UNC93A: variants seen among roughly 807,000 people sequenced by gnomAD.
UNC93A encodes the protein unc-93 homolog A.
Under a neutral mutation model 47.5 loss-of-function variants are expected in UNC93A, and 43 were observed. That is an observed-to-expected ratio of 0.91 (90% CI 0.71 to 1.17). The LOEUF (loss-of-function observed/expected upper bound fraction) is 1.17, where lower values mean the gene tolerates loss of function less well. Ranked by LOEUF, UNC93A falls within the 50% of genes most tolerant of loss-of-function variation. The pLI is 0.00. For synonymous variants in UNC93A, 280 were observed against 258.0 expected, an observed-to-expected ratio of 1.09 and a Z score of -0.82; for missense variants, 605 against 577.6, an observed-to-expected ratio of 1.05 and a Z score of -0.49.
At chr6:167,298,413 G>T in intron 4 of UNC93A, 1 of 168,208 alleles carries the variant, frequency 5.9e-6, no homozygotes, top group South Asian at 1.8e-4. Flanking sequence ...CAGTACGGGG[G>T]CTGGCGGCTA....
chr6:167,294,239 C>T (rs2076006), intron 1 of UNC93A, among the ~76,000 whole-genome samples: 37,290 of 152,104 alleles, frequency 0.25, 5,000 homozygotes, highest in East Asian at 0.37. Context: ...TCCACAGAGG[C>T]GTGAGCGGCT....
intron 1 of UNC93A, among the ~76,000 whole-genome samples, chr6:167,293,856 C>T (rs1273656560): frequency 6.6e-6 from 1 of 152,178 alleles, no homozygotes; most frequent in Non-Finnish European, 1.5e-5. Flanking sequence ...TGGAGGTCAC[C>T]TCCTTCTCCC....
chr6:167,314,432 C>A (rs1778636083), intron 7 of UNC93A, among the ~76,000 whole-genome samples: 1 of 152,130 alleles, frequency 6.6e-6, no homozygotes, highest in Non-Finnish European at 1.5e-5. Context: ...TGTCCCTGCT[C>A]CTGTCCCTGC....
intron 1 of UNC93A, among the ~76,000 whole-genome samples, chr6:167,272,343 G>A (rs937190929): frequency 1.3e-5 from 2 of 152,222 alleles, no homozygotes; most frequent in Admixed American, 6.5e-5. Flanking sequence ...TCCCAGTGAC[G>A]TTTAGAGCAC....
chr6:167,304,556 G>GTT (rs67933171), intron 5 of UNC93A, among the ~76,000 whole-genome samples: 94 of 150,062 alleles, frequency 6.3e-4, no homozygotes, highest in Middle Eastern at 3.4e-3. Flanking sequence ...TATCTCTCTA[G>GTT]TTTTTTTTTT....
chr6:167,300,129 G>A (rs1469656458), intron 4 of UNC93A, among the ~76,000 whole-genome samples: 7 of 152,308 alleles, frequency 4.6e-5, no homozygotes, highest in Non-Finnish European at 8.8e-5. Flanking sequence ...GCTTGAGGAC[G>A]CAGTGGGACT....
In UNC93A at chr6:167,307,772, C is replaced by T. The variant is rs771585049; in HGVS notation, c.977-7C>T. On this transcript the variant is annotated splice_polypyrimidine_tract_variant and splice_region_variant and intron_variant, in intron 6 of 7. Transcript: ENST00000230256. Reference sequence around the variant, plus strand: ...ATCGCCTGGCGGTTTCCCCTCTGCACCCCCAGGCGCGGTGACCCACGTGTC... The same window carrying T: ...ATCGCCTGGCGGTTTCCCCTCTGCATCCCCAGGCGCGGTGACCCACGTGTC... The T allele has an allele frequency of 4.7e-5, 75 of 1,590,972 alleles. No homozygotes were observed. The South Asian group carries it at 8.0e-4, about 17-fold the overall frequency.
chr6:167,290,234 G>C (rs562087802), upstream of UNC93A, among the ~76,000 whole-genome samples: 1 of 152,282 alleles, frequency 6.6e-6, no homozygotes, highest in Non-Finnish European at 1.5e-5. Flanking sequence ...GTCTATGTAA[G>C]CATGATAGTC....
chr6:167,269,676 G>A (rs1320930951), upstream of UNC93A, among the ~76,000 whole-genome samples: 8 of 151,974 alleles, frequency 5.3e-5, no homozygotes, highest in African/African-American at 1.7e-4. Context: ...GCACAATCTC[G>A]GCTCACTGCC....
At chr6:167,313,780 T>A (rs1778619644) in intron 7 of UNC93A, among the ~76,000 whole-genome samples, 1 of 152,214 alleles carries the variant, frequency 6.6e-6, no homozygotes, top group Admixed American at 6.5e-5. Flanking sequence ...CAACTTGGAT[T>A]TTCTTCCCTA....
chr6:167,279,994 A>G (rs1051990244), intron 1 of UNC93A, among the ~76,000 whole-genome samples: 1 of 152,230 alleles, frequency 6.6e-6, no homozygotes, highest in Non-Finnish European at 1.5e-5. Flanking sequence ...ATTGTGTAAT[A>G]AGCGATGTTC....
chr6:167,278,570 T>C (rs55873000), intron 1 of UNC93A, among the ~76,000 whole-genome samples: 4,960 of 152,264 alleles, frequency 0.033, 278 homozygotes, highest in African/African-American at 0.11. Context: ...TGTTCCAGGG[T>C]TATCTGACAA....
chr6:167,305,839 C>A, intron 5 of UNC93A, 76 bp from the exon 6 acceptor site: 4 of 1,600,054 alleles, frequency 2.5e-6, no homozygotes, highest in Non-Finnish European at 3.4e-6. Flanking sequence ...ATGTTCTAAG[C>A]ACCCGACTGC....
At chr6:167,280,950 G>A (rs73259186) in intron 1 of UNC93A, among the ~76,000 whole-genome samples, 2,916 of 152,220 alleles carry the variant, frequency 0.019, 105 homozygotes, top group African/African-American at 0.067. Context: ...ATCTTCAACA[G>A]GAAACCCAAG....
chr6:167,285,369 A>G (rs1310240140), intron 1 of UNC93A, among the ~76,000 whole-genome samples: 2 of 151,858 alleles, frequency 1.3e-5, no homozygotes, highest in African/African-American at 4.8e-5. Context: ...CCAGGGCCCA[A>G]TCCCACTGTG....
upstream of UNC93A, among the ~76,000 whole-genome samples, chr6:167,290,344 T>C (rs114402823): frequency 3.6e-3 from 547 of 152,296 alleles, 6 homozygotes; most frequent in African/African-American, 0.013. Context: ...TCATTGGCCC[T>C]GATCTTCTGA....
upstream of UNC93A, among the ~76,000 whole-genome samples, chr6:167,288,310 C>T (rs3010557): frequency 0.38 from 58,330 of 151,686 alleles, 11,511 homozygotes; most frequent in African/African-American, 0.47. Context: ...CGAATGCCCG[C>T]TCAGCTCAGG....
intron 5 of UNC93A, among the ~76,000 whole-genome samples, chr6:167,304,483 A>G (rs756826670): frequency 2.6e-5 from 4 of 151,710 alleles, no homozygotes; most frequent in Non-Finnish European, 5.9e-5. Context: ...CTCACCCTGC[A>G]CTCTTACTTT....
At chr6:167,310,170 C>A (rs973625517) in intron 7 of UNC93A, among the ~76,000 whole-genome samples, 2 of 152,208 alleles carry the variant, frequency 1.3e-5, no homozygotes, top group Non-Finnish European at 2.9e-5. Context: ...CACTGAGCTC[C>A]CCAAATGCAC....
Sources: gnomAD v4.1 joint callset for allele counts (sites outside exome capture counted in the v4.1 genomes callset) on GRCh38, gnomAD v4.1.1 for gene constraint, MANE v1.5 for transcripts, NCBI Gene and HGNC (gene_info 2026-07-23, HGNC 2026-07-21) for gene names.